The following VCF1 variants were observed in gnomAD, a reference collection of about 807,000 sequenced individuals.
The protein encoded by VCF1 is protein VCF1.
At chr17:73,208,242 G>A in the VCF1 span, 16 of 1,608,678 alleles carry the variant, frequency 9.9e-6, no homozygotes, top group East Asian at 2.2e-5. Context: ...TCCGAGTGGC[G>A]TCGCGCGGAG....
chr17:73,229,192 G>A, the VCF1 span: 1 of 985,410 alleles, frequency 1.0e-6, no homozygotes, highest in Non-Finnish European at 1.2e-6. Context: ...TGGCCTGTTG[G>A]TAGCCTTCTC....
chr17:73,220,354 G>A, the VCF1 span, among the ~76,000 whole-genome samples: 11 of 152,202 alleles, frequency 7.2e-5, no homozygotes, highest in African/African-American at 2.4e-4. Flanking sequence ...TTCCCACTAA[G>A]AATTCCCTTA....
the VCF1 span, among the ~76,000 whole-genome samples, chr17:73,211,250 G>A: frequency 6.6e-6 from 1 of 151,572 alleles, no homozygotes; most frequent in Non-Finnish European, 1.5e-5. Context: ...GAGTGCAGGA[G>A]TTCGAGACCT....
chr17:73,221,492 GA>G, the VCF1 span, among the ~76,000 whole-genome samples: 1 of 147,050 alleles, frequency 6.8e-6, no homozygotes, highest in Non-Finnish European at 1.5e-5. Context: ...GGATTTGATA[GA>G]AAAAAATTGA....
the VCF1 span, among the ~76,000 whole-genome samples, chr17:73,220,401 G>C: frequency 1.3e-5 from 2 of 152,060 alleles, no homozygotes; most frequent in Non-Finnish European, 2.9e-5. Flanking sequence ...TTGCCTTCTA[G>C]TAGAGACAAA....
chr17:73,225,850 A>G, the VCF1 span, among the ~76,000 whole-genome samples: 8 of 146,494 alleles, frequency 5.5e-5, no homozygotes, highest in Admixed American at 5.5e-4. Context: ...AGAAAAGAAA[A>G]AAGCAAATAG....
the VCF1 span, chr17:73,208,101 T>C: frequency 2.5e-5 from 36 of 1,447,864 alleles, no homozygotes; most frequent in Non-Finnish European, 3.1e-5. Context: ...AAGACAGTCC[T>C]CATTTCCAAA....
chr17:73,210,168 T>C, the VCF1 span, among the ~76,000 whole-genome samples: 9 of 152,176 alleles, frequency 5.9e-5, no homozygotes, highest in African/African-American at 1.2e-4. Context: ...TATGAGTCAT[T>C]GGGACAGAGT....
chr17:73,223,531 A>G, the VCF1 span, among the ~76,000 whole-genome samples: 3,869 of 152,288 alleles, frequency 0.025, 179 homozygotes, highest in African/African-American at 0.088. Flanking sequence ...TTAATGGTTT[A>G]ACATAAATAA....
the VCF1 span, among the ~76,000 whole-genome samples, chr17:73,223,078 G>A: frequency 6.6e-6 from 1 of 152,092 alleles, no homozygotes; most frequent in Non-Finnish European, 1.5e-5. Flanking sequence ...AGCACTTTGG[G>A]AGGCCAAGGC....
the VCF1 span, chr17:73,232,013 T>G: frequency 6.8e-7 from 1 of 1,462,934 alleles, no homozygotes; most frequent in African/African-American, 1.4e-5. Context: ...CCGACCCCCA[T>G]TTCGCGCGCC....
At chr17:73,209,033 G>A in the VCF1 span, 1 of 198,470 alleles carries the variant, frequency 5.0e-6, no homozygotes, top group Non-Finnish European at 1.0e-5. Context: ...CATACTGAGA[G>A]GTAGTATGGC....
chr17:73,232,383 C>T, the VCF1 span: 1 of 1,427,784 alleles, frequency 7.0e-7, no homozygotes, highest in African/African-American at 1.5e-5. Context: ...GTAACCCCGC[C>T]CACGGGAAGA....
the VCF1 span, among the ~76,000 whole-genome samples, chr17:73,222,671 G>C: frequency 6.6e-6 from 1 of 151,910 alleles, no homozygotes; most frequent in African/African-American, 2.4e-5. Context: ...CAGCTACTCA[G>C]GAGGCTGAGG....
the VCF1 span, chr17:73,208,227 T>C: frequency 6.2e-7 from 1 of 1,605,292 alleles, no homozygotes; most frequent in Non-Finnish European, 8.5e-7. Flanking sequence ...GTGTGCCGTG[T>C]GGACTCCGAG....
chr17:73,231,944 C>T, the VCF1 span: 24 of 901,514 alleles, frequency 2.7e-5, no homozygotes, highest in Non-Finnish European at 3.7e-5. Flanking sequence ...CATCCCTCTC[C>T]CCTCCTCCCC....
chr17:73,232,165 G>C, the VCF1 span: 1 of 1,609,908 alleles, frequency 6.2e-7, no homozygotes, highest in Non-Finnish European at 8.5e-7. Context: ...GGAACAGAGG[G>C]GGTTGTGTTT....
At chr17:73,218,665 A>C in the VCF1 span, among the ~76,000 whole-genome samples, 3 of 152,228 alleles carry the variant, frequency 2.0e-5, no homozygotes, top group Admixed American at 2.0e-4. Flanking sequence ...TGGGCAGATC[A>C]CCTGGGCTCG....
At chr17:73,213,678 T>C in the VCF1 span, among the ~76,000 whole-genome samples, 1 of 152,198 alleles carries the variant, frequency 6.6e-6, no homozygotes, top group Non-Finnish European at 1.5e-5. Flanking sequence ...AACTAAAGAA[T>C]GCTACCATGG....
Sources: gnomAD v4.1 joint callset for allele counts (sites outside exome capture counted in the v4.1 genomes callset) on GRCh38, gnomAD v4.1.1 for gene constraint, MANE v1.5 for transcripts, NCBI Gene and HGNC (gene_info 2026-07-23, HGNC 2026-07-21) for gene names.